Variants in XK observed in about 807,000 individuals in gnomAD.
XK encodes endoplasmic reticulum membrane adapter protein XK.
XK carries 2 observed loss-of-function variants against 14.0 expected under a neutral mutation model. The observed-to-expected ratio is 0.14, with a 90% CI of 0.06 to 0.45. The LOEUF is 0.45. XK is among the 20% of genes least tolerant of loss of function. XK has a pLI of 0.98. For synonymous variants in XK, 149 were observed against 147.5 expected, an observed-to-expected ratio of 1.01 and a Z score of -0.08; for missense variants, 235 against 341.5, an observed-to-expected ratio of 0.69 and a Z score of 2.46.
At chrX:37,693,399 A>G (rs1212402239) in intron 1 of XK, among the ~76,000 whole-genome samples, 2 of 111,183 alleles carry the variant, frequency 1.8e-5, no homozygotes, top group Admixed American at 9.6e-5. Flanking sequence ...AAGGAATTCT[A>G]TAGTGAACAC....
At chrX:37,712,806 C>T (rs1168184572) in intron 2 of XK, among the ~76,000 whole-genome samples, 2 of 111,208 alleles carry the variant, frequency 1.8e-5, no homozygotes, top group African/African-American at 3.3e-5. Flanking sequence ...GTTTCATAGA[C>T]GAAAAAAGTG....
intron 2 of XK, among the ~76,000 whole-genome samples, chrX:37,705,983 A>T: frequency 9.5e-6 from 1 of 105,537 alleles, no homozygotes; most frequent in African/African-American, 3.5e-5. Context: ...ACCTCTTTTG[A>T]TTTTATTTTT....
chrX:37,709,177 AAATAAC>A (rs1170819090), intron 2 of XK, among the ~76,000 whole-genome samples: 5 of 112,090 alleles, frequency 4.5e-5, no homozygotes, highest in African/African-American at 1.6e-4. Context: ...TAGCATGTAC[AAATAAC>A]AAGCAATAGT....
chrX:37,719,793 T>A (rs1364916875), intron 2 of XK, among the ~76,000 whole-genome samples: 2 of 111,166 alleles, frequency 1.8e-5, no homozygotes, highest in Admixed American at 9.6e-5. Flanking sequence ...TATCTATTAT[T>A]ATTTTTGGAT....
intron 2 of XK, among the ~76,000 whole-genome samples, chrX:37,706,612 T>A (rs868963220): frequency 2.0e-4 from 22 of 109,999 alleles, no homozygotes; most frequent in Non-Finnish European, 3.2e-4. Context: ...TCTTTTTTTT[T>A]AAAATTAATT....
chrX:37,705,028 GATTAATCCT>G (rs781986947), intron 2 of XK, among the ~76,000 whole-genome samples: 27 of 112,220 alleles, frequency 2.4e-4, no homozygotes, highest in Middle Eastern at 9.2e-3. Flanking sequence ...TAAGCATAAT[GATTAATCCT>G]ATTTTGAAGT....
intron 2 of XK, among the ~76,000 whole-genome samples, chrX:37,712,961 C>T (rs782049175): frequency 2.1e-4 from 23 of 111,861 alleles, no homozygotes; most frequent in Admixed American, 4.8e-4. Flanking sequence ...ACAACAGTGT[C>T]GAGGATCCAG....
At chrX:37,725,899 G>C (rs1479643012) in intron 2 of XK, among the ~76,000 whole-genome samples, 1 of 111,700 alleles carries the variant, frequency 9.0e-6, no homozygotes, top group Non-Finnish European at 1.9e-5. Flanking sequence ...TCTGGAAAAC[G>C]TAAAACTATG....
At position 37,685,845 on chromosome X, in the gene XK, C is replaced by T. The variant is rs1927049106; in HGVS notation, c.-117C>T. ...TGCCCTCGGCGGGCTGCGCAGAGCGCGGGAGCGGTTTGGGGCTGGGCATGC... is the reference window on the plus strand; with the variant it reads ...TGCCCTCGGCGGGCTGCGCAGAGCGTGGGAGCGGTTTGGGGCTGGGCATGC... On this transcript the variant is annotated 5_prime_UTR_variant, in exon 1 of 3. Transcript: ENST00000378616. 1 of 883,254 alleles carries T rather than the reference C, an allele frequency of 1.1e-6. No homozygotes were observed. The highest frequency in any genetic ancestry group is 1.5e-6 in the Non-Finnish European group (1 of 656,174). The allele number at this position is 883,254 out of a possible 1,213,427, so 72.8% of individuals were successfully genotyped here. A position where few individuals can be genotyped will look rare whatever the true frequency, so the allele number is the denominator to read the frequency against.
rs1008059822 is a variant in XK, at chrX:37,686,081, G to A, written c.120G>A (p.Thr40=). 1 of 1,211,877 alleles carries A rather than the reference G, an allele frequency of 8.3e-7. No individual in the cohort carries two copies. Among genetic ancestry groups the A allele is most frequent in the Non-Finnish European group, 1.1e-6 (1 of 895,535 alleles). ...SGGDRMWQAL[T]LLFSLLPCAL... Reference sequence around the variant, plus strand: ...GGGACCGCATGTGGCAGGCGCTGACGTTGCTTTTCTCGCTACTGCCTTGCG... The same window carrying A: ...GGGACCGCATGTGGCAGGCGCTGACATTGCTTTTCTCGCTACTGCCTTGCG... Residue 40 remains threonine (T), a synonymous_variant, in exon 1 of 3, where the codon ACG becomes ACA. Transcript: ENST00000378616.
intron 1 of XK, among the ~76,000 whole-genome samples, chrX:37,691,214 C>G (rs145642460): frequency 8.9e-6 from 1 of 112,445 alleles, no homozygotes; most frequent in East Asian, 2.8e-4. Context: ...CCCCTTCCTT[C>G]GCATCAAGAA....
At chrX:37,700,473 G>T (rs1217440069) in intron 2 of XK, among the ~76,000 whole-genome samples, 3 of 112,180 alleles carry the variant, frequency 2.7e-5, no homozygotes, top group African/African-American at 9.7e-5. Context: ...TTTTGGGTTG[G>T]AGGTGTCCTT....
chrX:37,688,894 G>A (rs1556440853), intron 1 of XK, among the ~76,000 whole-genome samples: 3 of 111,226 alleles, frequency 2.7e-5, no homozygotes, highest in Non-Finnish European at 5.7e-5. Flanking sequence ...TAATATCCTG[G>A]AAAATATATA....
At chrX:37,691,548 C>T (rs1021546360) in intron 1 of XK, among the ~76,000 whole-genome samples, 1 of 111,991 alleles carries the variant, frequency 8.9e-6, no homozygotes, top group Non-Finnish European at 1.9e-5. Flanking sequence ...CGTATATTCT[C>T]ATCATGATTG....
In XK at chrX:37,707,085, C is replaced by A. The variant is rs782703312; in HGVS notation, c.508+12537C>A. Among the ~76,000 whole-genome samples the A allele has an allele frequency of 8.9e-5, 10 of 112,906 alleles. No individual in the cohort carries two copies. In the South Asian group the frequency reaches 3.3e-3, roughly 37 times the overall value. ...TTTCTCTATCTTTTCCCCACCTTTC[C>A]CCCTTTTCTATTCCACAAAACCGCC... On this transcript the variant is annotated intron_variant, in intron 2 of 2. Coordinates refer to ENST00000378616, the MANE Select transcript of XK (RefSeq NM_021083.4).
At chrX:37,695,118 CTTG>C (rs1292870932) in intron 2 of XK, among the ~76,000 whole-genome samples, 1 of 112,219 alleles carries the variant, frequency 8.9e-6, no homozygotes, top group Non-Finnish European at 1.9e-5. Flanking sequence ...AACTCTGACT[CTTG>C]TTGTGGAATG....
chrX:37,686,420 GT>G (rs1429454535), intron 1 of XK, among the ~76,000 whole-genome samples: 3 of 112,240 alleles, frequency 2.7e-5, no homozygotes, highest in African/African-American at 9.7e-5. Context: ...CTGAATTCCT[GT>G]TAGGTTCCGT....
At chrX:37,700,670 G>A (rs1927394999) in intron 2 of XK, among the ~76,000 whole-genome samples, 1 of 111,803 alleles carries the variant, frequency 8.9e-6, no homozygotes, top group African/African-American at 3.3e-5. Context: ...GAACTGGAAG[G>A]CCTTGTGAGG....
At chrX:37,722,691 A>C (rs1927902551) in intron 2 of XK, among the ~76,000 whole-genome samples, 1 of 112,079 alleles carries the variant, frequency 8.9e-6, no homozygotes, top group African/African-American at 3.2e-5. Flanking sequence ...TCATGAGTTC[A>C]GTCATTTTAC....
Sources: gnomAD v4.1 joint callset for allele counts (sites outside exome capture counted in the v4.1 genomes callset) on GRCh38, gnomAD v4.1.1 for gene constraint, MANE v1.5 for transcripts, NCBI Gene and HGNC (gene_info 2026-07-23, HGNC 2026-07-21) for gene names.